XIRP2: variants seen among roughly 807,000 people sequenced by gnomAD.
XIRP2 encodes xin actin binding repeat containing 2.
Under a neutral mutation model 277.0 loss-of-function variants are expected in XIRP2, and 236 were observed. The ratio of observed to expected loss-of-function variants is 0.85; its 90% CI spans 0.77 to 0.95. The LOEUF (loss-of-function observed/expected upper bound fraction) is 0.95. Among genes scored for constraint, XIRP2 ranks in the 40% least tolerant of loss-of-function variants. XIRP2 has a pLI of 0.00. For missense variants in XIRP2, 4,640 were observed against 4,157.5 expected (o/e 1.12, Z -3.19); for synonymous variants, 1,490 against 1,416.5 (o/e 1.05, Z -1.17).
intron 4 of XIRP2, among the ~76,000 whole-genome samples, chr2:167,211,897 A>G (rs548050842): frequency 1.1e-3 from 163 of 152,302 alleles, no homozygotes; most frequent in Non-Finnish European, 1.1e-3. Context: ...CTTCAACTTA[A>G]TGGAATATAA....
At chr2:167,183,381 A>G (rs1419649824) in intron 3 of XIRP2, among the ~76,000 whole-genome samples, 1 of 152,198 alleles carries the variant, frequency 6.6e-6, no homozygotes, top group Non-Finnish European at 1.5e-5. Flanking sequence ...GTGTAGTTAT[A>G]TGATTCAATA....
At chr2:167,153,891 C>T (rs981658598) in intron 3 of XIRP2, among the ~76,000 whole-genome samples, 11 of 151,358 alleles carry the variant, frequency 7.3e-5, no homozygotes, top group African/African-American at 2.4e-4. Flanking sequence ...GTCTTTATAG[C>T]AGCATGATTT....
chr2:167,129,360 C>A (rs1156492851), intron 2 of XIRP2, among the ~76,000 whole-genome samples: 1 of 151,926 alleles, frequency 6.6e-6, no homozygotes, highest in African/African-American at 2.4e-5. Flanking sequence ...CCTCTTCACT[C>A]ACGGATCCAC....
At chr2:167,110,879 A>C (rs1028632979) in intron 2 of XIRP2, among the ~76,000 whole-genome samples, 18 of 152,040 alleles carry the variant, frequency 1.2e-4, no homozygotes, top group African/African-American at 4.1e-4. Context: ...ATTATGGAGA[A>C]ATTTCATCAC....
rs143966793 is a variant in XIRP2 at position 167,006,714 on chromosome 2, G to A, written c.408+102824G>A. On this transcript the variant is annotated intron_variant, in intron 2 of 10. Coordinates refer to ENST00000409195, the MANE Select transcript of XIRP2 (RefSeq NM_152381.6). ...GGCACATAGTTTTCCTGTCAGTAGC[G>A]GAATAAAAAATCCTTAGGGTGAATT... is the stretch of plus-strand genomic sequence containing the variant. Among the ~76,000 whole-genome samples the A allele has an allele frequency of 4.6e-3, 690 of 151,580 alleles. 9 individuals are homozygous for A. Among genetic ancestry groups the A allele is most frequent in the African/African-American group, 0.016 (643 of 41,420 alleles).
At chr2:166,913,179 T>A (rs1415656806) in intron 2 of XIRP2, among the ~76,000 whole-genome samples, 1 of 152,192 alleles carries the variant, frequency 6.6e-6, no homozygotes, top group Non-Finnish European at 1.5e-5. Flanking sequence ...TGCCTTTTGT[T>A]CAGCTATGCT....
chr2:167,245,145 A>G lies in XIRP2; in HGVS notation c.3753A>G (p.Ile1251Met). Residue 1251 changes from isoleucine to methionine, a missense_variant, in exon 9 of 11, where the codon ATA (isoleucine) becomes ATG (methionine). Transcript: ENST00000409195. The stretch of plus-strand genomic sequence containing the variant: ...TTGAAAACCAACCAATTGATAAGAT[A>G]AAAGAAAGCCAAGAAGGTGATGAAT... ...WLFENQPIDK[I>M]KESQEGDECV... 1.2e-6 allele frequency: 2 copies of G among 1,613,018 alleles called. No individual in the cohort carries two copies. The highest frequency in any genetic ancestry group is 1.7e-6 in the Non-Finnish European group (2 of 1,179,598).
intron 2 of XIRP2, among the ~76,000 whole-genome samples, chr2:166,982,230 C>T (rs1686889074): frequency 5.3e-5 from 8 of 150,404 alleles, no homozygotes; most frequent in Admixed American, 4.0e-4. Context: ...ATTGTTCTTC[C>T]TTATGCAATT....
chr2:167,251,514 G>A lies in XIRP2; in HGVS notation c.10122G>A (p.Glu3374=), dbSNP rs1184913469. The A allele has an allele frequency of 2.5e-6, 4 of 1,613,336 alleles. No individual in the cohort carries two copies. The highest frequency in any genetic ancestry group is 1.1e-5 in the South Asian group (1 of 91,058). Residue 3374 remains glutamate (E), a synonymous_variant, in exon 9 of 11, where the codon GAG becomes GAA. Transcript: ENST00000409195. ...AAGAAAGTCGTACATTTTGTAAGGA[G>A]GAATTTGGATTAACATCTTTAGGAA... ...IQQESRTFCK[E]EFGLTSLGNT...
chr2:166,926,017 T>A (rs1016408700), intron 2 of XIRP2, among the ~76,000 whole-genome samples: 3 of 151,966 alleles, frequency 2.0e-5, no homozygotes, highest in African/African-American at 7.3e-5. Flanking sequence ...GAGGCTATAG[T>A]AAGCTACAAT....
intron 2 of XIRP2, among the ~76,000 whole-genome samples, chr2:167,090,852 A>T (rs1268407810): frequency 1.3e-5 from 2 of 152,108 alleles, no homozygotes; most frequent in Non-Finnish European, 1.5e-5. Context: ...TTCATGAGGC[A>T]TCTGCCCCCA....
chr2:167,233,266 G>A (rs1006302035), intron 5 of XIRP2, among the ~76,000 whole-genome samples: 5 of 151,930 alleles, frequency 3.3e-5, no homozygotes, highest in Non-Finnish European at 5.9e-5. Flanking sequence ...TGGAGATTTT[G>A]GCAAAGGCCA....
chr2:167,168,124 T>C (rs888769062), intron 3 of XIRP2, among the ~76,000 whole-genome samples: 1 of 152,196 alleles, frequency 6.6e-6, no homozygotes, highest in African/African-American at 2.4e-5. Context: ...TTAGGTGAGC[T>C]TGTCTGTTTC....
At position 167,088,161 on chromosome 2, in the gene XIRP2, A is replaced by G. The variant is rs543087934; in HGVS notation, c.409-47748A>G. ...TTAAAAGTATCAAAAATTATAAATT[A>G]TGATGAAAAGTTCAGAAATTTTCAT... On this transcript the variant is annotated intron_variant, in intron 2 of 10. Transcript: ENST00000409195. Among the ~76,000 whole-genome samples the G allele has an allele frequency of 2.0e-5, 3 of 152,270 alleles. No homozygotes were observed. In the South Asian group the frequency reaches 6.2e-4, roughly 32 times the overall value.
Position 167,247,076 on chromosome 2 carries a change from T to C in XIRP2, c.5684T>C (p.Ile1895Thr), listed in dbSNP as rs755175704. 6.2e-7 allele frequency: 1 copy of C among 1,612,218 alleles called. No individual in the cohort carries two copies. The highest frequency in any genetic ancestry group is 1.1e-5 in the South Asian group (1 of 90,662). ...SKQPDAIPGD[I>T]EKAIECLEKA... ...CAGCCTGATGCCATCCCTGGTGATA[T>C]TGAAAAAGCTATTGAATGCCTTGAA... is the stretch of plus-strand genomic sequence containing the variant. The change falls in exon 9 of 11, where the codon ATT becomes ACT. Residue 1895 changes from isoleucine (I) to threonine (T), a missense_variant. Physicochemically the swap from Ile to Thr is moderately conservative, Grantham distance 89. Transcript: ENST00000409195.
At position 167,251,232 on chromosome 2, in the gene XIRP2, T is replaced by G. The variant is rs764818096; in HGVS notation, c.9840T>G (p.Thr3280=). The change falls in exon 9 of 11, where the codon ACT becomes ACG. Residue 3280 remains threonine (T), a synonymous_variant. Coordinates refer to ENST00000409195, the MANE Select transcript of XIRP2 (RefSeq NM_152381.6). The part of the protein sequence containing the change: ...TYVHKDGLNS[T]DHMVPDTESY... ...TTCATAAAGATGGACTAAATTCCAC[T>G]GATCACATGGTGCCCGACACTGAAA... The G allele has an allele frequency of 8.1e-6, 13 of 1,613,590 alleles. No homozygotes were observed. Among genetic ancestry groups the G allele is most frequent in the Non-Finnish European group, 1.1e-5 (13 of 1,179,706 alleles).
chr2:166,938,125 G>A (rs1315237390), intron 2 of XIRP2, among the ~76,000 whole-genome samples: 3 of 152,026 alleles, frequency 2.0e-5, no homozygotes, highest in African/African-American at 7.3e-5. Flanking sequence ...GTTATTTCTT[G>A]CCTTCTGCTA....
At chr2:166,994,384 A>C (rs1449237833) in intron 2 of XIRP2, among the ~76,000 whole-genome samples, 1 of 121,962 alleles carries the variant, frequency 8.2e-6, no homozygotes, top group Non-Finnish European at 1.7e-5. Context: ...GCTAGATGAC[A>C]CGTTAGTGGG....
chr2:167,060,191 T>A (rs947582276), intron 2 of XIRP2, among the ~76,000 whole-genome samples: 4 of 151,088 alleles, frequency 2.6e-5, no homozygotes, highest in African/African-American at 9.8e-5. Context: ...TTCAAAATGA[T>A]AACGGGGGAA....
Sources: gnomAD v4.1 joint callset for allele counts (sites outside exome capture counted in the v4.1 genomes callset) on GRCh38, gnomAD v4.1.1 for gene constraint, MANE v1.5 for transcripts, NCBI Gene and HGNC (gene_info 2026-07-23, HGNC 2026-07-21) for gene names.